Variants in CLNK observed in about 807,000 individuals in gnomAD.
CLNK encodes cytokine-dependent hematopoietic cell linker.
CLNK carries 74 observed loss-of-function variants against 68.6 expected under a neutral mutation model. The ratio of observed to expected loss-of-function variants is 1.08; its 90% CI spans 0.89 to 1.31. CLNK has a LOEUF of 1.31. CLNK is among the 50% of genes most tolerant of loss of function. The pLI is 0.00. For synonymous variants in CLNK, 198 were observed against 172.2 expected, an observed-to-expected ratio of 1.15 and a Z score of -1.17; for missense variants, 553 against 515.3, an observed-to-expected ratio of 1.07 and a Z score of -0.71.
intron 8 of CLNK, among the ~76,000 whole-genome samples, chr4:10,546,752 G>GT (rs200407704): frequency 7.7e-4 from 117 of 151,034 alleles, no homozygotes; most frequent in Middle Eastern, 3.4e-3. Flanking sequence ...GTGTTAGTCT[G>GT]TTTTTTTTTG....
chr4:10,713,970 G>A, the CLNK span, among the ~76,000 whole-genome samples: 1 of 152,130 alleles, frequency 6.6e-6, no homozygotes, highest in Non-Finnish European at 1.5e-5. Flanking sequence ...TGCCAAATCT[G>A]GGCAGCAGCT....
chr4:10,579,952 T>C (rs1186449285), intron 4 of CLNK, among the ~76,000 whole-genome samples: 2 of 152,200 alleles, frequency 1.3e-5, no homozygotes, highest in Admixed American at 6.5e-5. Flanking sequence ...TCCAGCCTCC[T>C]CCTATAAGCA....
chr4:10,602,633 G>A (rs766060223), intron 2 of CLNK, among the ~76,000 whole-genome samples: 5 of 152,172 alleles, frequency 3.3e-5, no homozygotes, highest in African/African-American at 7.2e-5. Flanking sequence ...ACTCCAGAAC[G>A]GTGAGAGTAA....
chr4:10,497,291 C>T (rs1451513090), intron 18 of CLNK, among the ~76,000 whole-genome samples: 1 of 152,166 alleles, frequency 6.6e-6, no homozygotes, highest in Non-Finnish European at 1.5e-5. Context: ...ACTCAGGATT[C>T]TGCCTTGGAT....
At chr4:10,528,922 T>C (rs1420970217) in intron 12 of CLNK, among the ~76,000 whole-genome samples, 6 of 152,222 alleles carry the variant, frequency 3.9e-5, no homozygotes, top group Non-Finnish European at 5.9e-5. Flanking sequence ...CTTTCTTCCT[T>C]ATGGTGGTAG....
chr4:10,656,482 C>A (rs1173718558), intron 2 of CLNK: 1 of 151,920 alleles, frequency 6.6e-6, no homozygotes, highest in Non-Finnish European at 1.5e-5. Flanking sequence ...ATACTATAGT[C>A]AAAAAATACA....
At chr4:10,674,388 A>G (rs1178918542) in intron 1 of CLNK, among the ~76,000 whole-genome samples, 2 of 152,218 alleles carry the variant, frequency 1.3e-5, no homozygotes, top group East Asian at 1.9e-4. Context: ...AAATGCCAAC[A>G]TGGGCAATAA....
At chr4:10,520,729 T>C (rs572608573) in intron 15 of CLNK, 62 bp downstream of exon 15, 11 of 1,286,678 alleles carry the variant, frequency 8.5e-6, no homozygotes, top group Non-Finnish European at 1.0e-5. Flanking sequence ...TAAGTCACAG[T>C]GCCACAATAT....
chr4:10,588,824 CTATA>C (rs1177796975), intron 3 of CLNK, among the ~76,000 whole-genome samples: 4 of 151,578 alleles, frequency 2.6e-5, no homozygotes, highest in Non-Finnish European at 4.4e-5. Context: ...CTAAAATAGT[CTATA>C]TATTATATGG....
chr4:10,556,292 A>G (rs1322544603), intron 8 of CLNK, among the ~76,000 whole-genome samples: 1 of 152,244 alleles, frequency 6.6e-6, no homozygotes, highest in Non-Finnish European at 1.5e-5. Flanking sequence ...GGTAGCTCAG[A>G]GGCAAAATAA....
intron 3 of CLNK, among the ~76,000 whole-genome samples, chr4:10,590,043 G>T (rs1372171457): frequency 6.6e-6 from 1 of 152,094 alleles, no homozygotes; most frequent in Non-Finnish European, 1.5e-5. Flanking sequence ...CCTAAAGAAA[G>T]CAATTTTTCC....
intron 8 of CLNK, among the ~76,000 whole-genome samples, chr4:10,551,195 T>G (rs889625387): frequency 6.6e-6 from 1 of 152,188 alleles, no homozygotes; most frequent in African/African-American, 2.4e-5. Context: ...GACTTCTGTA[T>G]TTGTTTTTCA....
At chr4:10,673,396 T>C (rs1724736609) in intron 1 of CLNK, among the ~76,000 whole-genome samples, 1 of 151,940 alleles carries the variant, frequency 6.6e-6, no homozygotes, top group Non-Finnish European at 1.5e-5. Flanking sequence ...GGACAGAACT[T>C]CCAACACTAC....
intron 2 of CLNK, among the ~76,000 whole-genome samples, chr4:10,642,491 C>T (rs1723346476): frequency 1.3e-5 from 2 of 152,024 alleles, no homozygotes; most frequent in African/African-American, 4.8e-5. Flanking sequence ...TCTTTCTAGG[C>T]AGAGTGGACC....
chr4:10,575,356 C>G lies in CLNK; in HGVS notation c.113-3578G>C, dbSNP rs541458115. Among the ~76,000 whole-genome samples the G allele has an allele frequency of 4.2e-4, 64 of 152,354 alleles. 1 individual carries two copies. The highest frequency in any genetic ancestry group is 1.5e-3 in the African/African-American group (63 of 41,590). ...ACACCATCCCTCTGTCTAGAGCCCTCTTTTCTTGGCTCTGCCCATGCCTGG... is the reference window on the plus strand; with the variant it reads ...ACACCATCCCTCTGTCTAGAGCCCTGTTTTCTTGGCTCTGCCCATGCCTGG... On this transcript the variant is annotated intron_variant, in intron 4 of 18. Transcript: ENST00000226951.
At chr4:10,623,000 G>A (rs1722520613) in intron 2 of CLNK, among the ~76,000 whole-genome samples, 1 of 152,042 alleles carries the variant, frequency 6.6e-6, no homozygotes, top group African/African-American at 2.4e-5. Context: ...ATGTCCCAAA[G>A]TCCCCACCTC....
Position 10,568,660 on chromosome 4 carries a change from C to T in CLNK, c.151-2510G>A, listed in dbSNP as rs542121742. 8.5e-5 allele frequency among the ~76,000 whole-genome samples: 13 copies of T among 152,188 alleles called. 2 individuals carry two copies. The highest frequency in any genetic ancestry group is 1.6e-4 in the Non-Finnish European group (11 of 68,032). ...TTTGACAACAGCCAGCCAGCAGGGA[C>T]ATGGGGACCACAGTCCTACAACAGA... On this transcript the variant is annotated intron_variant, in intron 5 of 18. Transcript: ENST00000226951.
chr4:10,591,119 GA>G (rs1301231615), intron 3 of CLNK, among the ~76,000 whole-genome samples: 12 of 152,170 alleles, frequency 7.9e-5, no homozygotes, highest in Non-Finnish European at 1.6e-4. Flanking sequence ...AATCTGGAGG[GA>G]TGAATGAGCA....
chr4:10,653,201 G>T (rs1443911168), intron 2 of CLNK, among the ~76,000 whole-genome samples: 1 of 152,072 alleles, frequency 6.6e-6, no homozygotes, highest in Admixed American at 6.5e-5. Context: ...GAGATGGGGG[G>T]CTAGGGGAGG....
Sources: allele counts gnomAD v4.1 joint callset (sites outside exome capture counted in the v4.1 genomes callset), GRCh38; gene constraint gnomAD v4.1.1; transcripts MANE v1.5; gene names NCBI Gene and HGNC (gene_info 2026-07-23, HGNC 2026-07-21).